Variants in ICE1 observed in about 807,000 individuals in gnomAD.
ICE1 encodes interactor of little elongation complex ELL subunit 1.
A neutral mutation model predicts 192.7 loss-of-function variants in ICE1; 64 were observed. The ratio of observed to expected loss-of-function variants is 0.33; its 90% CI spans 0.27 to 0.41. The LOEUF (loss-of-function observed/expected upper bound fraction) is 0.41. Among genes scored for constraint, ICE1 ranks in the 10% least tolerant of loss-of-function variants. The pLI is 1.00. For synonymous variants in ICE1, 1,010 were observed against 984.5 expected (o/e 1.03, Z -0.49); for missense variants, 2,708 against 2,696.0 (o/e 1.00, Z -0.10).
chr5:5,479,333 A>T (rs910838771), intron 17 of ICE1, among the ~76,000 whole-genome samples: 1 of 152,230 alleles, frequency 6.6e-6, no homozygotes, highest in Non-Finnish European at 1.5e-5. Flanking sequence ...GCCAACAAAC[A>T]TGAAAAAAAG....
intron 10 of ICE1, among the ~76,000 whole-genome samples, chr5:5,450,902 G>C (rs1738396726): frequency 6.6e-6 from 1 of 152,098 alleles, no homozygotes; most frequent in African/African-American, 2.4e-5. Flanking sequence ...ACTTCACAAT[G>C]TTTTTTAGAA....
chr5:5,450,341 T>G (rs1243672166), intron 10 of ICE1, among the ~76,000 whole-genome samples: 2 of 152,204 alleles, frequency 1.3e-5, no homozygotes, highest in South Asian at 4.1e-4. Context: ...TCAATTAAGT[T>G]GATCCTAGAG....
In ICE1 at chr5:5,460,666, T is replaced by A; in HGVS notation, c.1332T>A (p.Thr444=). 3 of 1,613,960 alleles carry A rather than the reference T, an allele frequency of 1.9e-6. No homozygotes were observed. Among genetic ancestry groups the A allele is most frequent in the Non-Finnish European group, 2.5e-6 (3 of 1,179,878 alleles). The part of the protein sequence containing the change: ...VNKVTTSGLE[T]FTATLRESSA... ...AAGTGACAACTTCTGGACTCGAGACTTTCACAGCAACACTGAGAGAATCTT... is the reference window on the plus strand; with the variant it reads ...AAGTGACAACTTCTGGACTCGAGACATTCACAGCAACACTGAGAGAATCTT... The change falls in exon 13 of 19, where the codon ACT becomes ACA. Residue 444 remains threonine (T), a synonymous_variant. Transcript: ENST00000296564.
At chr5:5,423,116 C>A in intron 1 of ICE1, 117 bp downstream of exon 1, 1 of 508,300 alleles carries the variant, frequency 2.0e-6, no homozygotes, top group Non-Finnish European at 3.1e-6. Flanking sequence ...TCTCCCTTCC[C>A]AACCGTAGCT....
intron 14 of ICE1, among the ~76,000 whole-genome samples, chr5:5,467,756 T>C (rs538589846): frequency 3.3e-5 from 5 of 152,320 alleles, no homozygotes; most frequent in South Asian, 4.1e-4. Flanking sequence ...TATTCTTAGA[T>C]GTGTCAGTGA....
At chr5:5,428,584 T>C (rs1737599058) in intron 1 of ICE1, among the ~76,000 whole-genome samples, 1 of 152,238 alleles carries the variant, frequency 6.6e-6, no homozygotes. Flanking sequence ...CATCATTGTC[T>C]GCACACATAC....
intron 11 of ICE1, among the ~76,000 whole-genome samples, 156 bp downstream of exon 11, chr5:5,454,794 C>T (rs1488756994): frequency 6.6e-6 from 1 of 152,008 alleles, no homozygotes; most frequent in African/African-American, 2.4e-5. Context: ...AACTCGTTTC[C>T]CTTCAGTGTG....
rs749146570 is a variant in ICE1, at chr5:5,463,851, A to G, written c.4517A>G (p.Asp1506Gly). Residue 1506 changes from aspartate (D) to glycine (G), a missense_variant, in exon 13 of 19, where the codon GAT (aspartate) becomes GGT (glycine). Transcript: ENST00000296564. Reference sequence around the variant, plus strand: ...AGCAGTGGTCAGAGCACCAACTTTGATAAGAGTCGTTTGCGAAATAGACCC... The same window carrying G: ...AGCAGTGGTCAGAGCACCAACTTTGGTAAGAGTCGTTTGCGAAATAGACCC... ...VSSSGQSTNF[D>G]KSRLRNRPVK... 1.2e-6 allele frequency: 2 copies of G among 1,613,930 alleles called. No individual in the cohort carries two copies. Among genetic ancestry groups the G allele is most frequent in the Non-Finnish European group, 1.7e-6 (2 of 1,179,868 alleles).
intron 10 of ICE1, among the ~76,000 whole-genome samples, chr5:5,453,075 C>T (rs940782270): frequency 6.6e-6 from 1 of 151,934 alleles, no homozygotes; most frequent in Non-Finnish European, 1.5e-5. Flanking sequence ...ATGATAGCCT[C>T]CATAAGAATG....
rs200013645 is a variant in ICE1 at position 5,454,555 on chromosome 5, A to G, written c.608A>G (p.Lys203Arg). 3.5e-5 allele frequency: 57 copies of G among 1,611,850 alleles called. No individual in the cohort carries two copies. In the East Asian group the frequency reaches 1.3e-3, roughly 36 times the overall value. Reference sequence around the variant, plus strand: ...AATGCTTTGCTCTGTTTCACAGGAAAAGTGAAACTGCTTCTGAAGGAACTC... The same window carrying G: ...AATGCTTTGCTCTGTTTCACAGGAAGAGTGAAACTGCTTCTGAAGGAACTC... ...SDSYGSIDKR[K>R]VKLLLKELWL... Residue 203 changes from lysine (K) to arginine (R), a missense_variant, in exon 11 of 19, where the codon AAA becomes AGA. This residue lies in a region of ICE1 where 2,366 missense variants were observed against 2,276.6 expected (regional missense o/e 1.04). Transcript: ENST00000296564.
chr5:5,460,553 T>A lies in ICE1; in HGVS notation c.1219T>A (p.Leu407Met). ...TGAATCACAGAATTATTTTGGCTCA[T>A]TGAGAAAAAATAAAGGAAGTGGCAC... is the stretch of plus-strand genomic sequence containing the variant. ...TTESQNYFGS[L>M]RKNKGSGTWE... Residue 407 changes from leucine to methionine, a missense_variant, in exon 13 of 19, where the codon TTG becomes ATG. Coordinates refer to ENST00000296564, the MANE Select transcript of ICE1 (RefSeq NM_015325.3). The A allele has an allele frequency of 6.2e-7, 1 of 1,612,276 alleles. No homozygotes were observed. The highest frequency in any genetic ancestry group is 2.2e-5 in the East Asian group (1 of 44,864).
rs370617529 is a variant in ICE1 at position 5,461,553 on chromosome 5, G to A, written c.2219G>A (p.Arg740Gln). The A allele has an allele frequency of 3.7e-6, 6 of 1,612,814 alleles. No individual in the cohort carries two copies. Among genetic ancestry groups the A allele is most frequent in the African/African-American group, 1.3e-5 (1 of 74,854 alleles). The stretch of plus-strand genomic sequence containing the variant: ...TTGACCAAAATACATTCACTTCCTC[G>A]GTCAGTATTTATGAAAGCTACAAAA... The part of the protein sequence containing the change: ...KGLTKIHSLP[R>Q]SVFMKATKDG... The change falls in exon 13 of 19, where the codon CGG (arginine) becomes CAG (glutamine). Residue 740 changes from arginine to glutamine, a missense_variant. This residue lies in a region of ICE1 where 2,366 missense variants were observed against 2,276.6 expected (regional missense o/e 1.04). Coordinates refer to ENST00000296564, the MANE Select transcript of ICE1 (RefSeq NM_015325.3).
In ICE1 at chr5:5,422,986, C is replaced by A; in HGVS notation, c.71C>A (p.Ala24Asp). The change falls in exon 1 of 19, where the codon GCC becomes GAC. Residue 24 changes from alanine (A) to aspartate (D), a missense_variant. Physicochemically the swap from Ala to Asp is moderately radical, Grantham distance 126 (BLOSUM62 -2). Coordinates refer to ENST00000296564, the MANE Select transcript of ICE1 (RefSeq NM_015325.3). Reference protein sequence around the residue: ...AADLSRCQGCASLQQNLNEYV... With the variant: ...AADLSRCQGCDSLQQNLNEYV... ...GACCTGTCGCGATGTCAGGGCTGCG[C>A]CTCTCTGCAGCAGGTGCAGCACCTC... 1 of 1,448,604 alleles carries A rather than the reference C, an allele frequency of 6.9e-7. No individual in the cohort carries two copies. Among genetic ancestry groups the A allele is most frequent in the Non-Finnish European group, 9.1e-7 (1 of 1,102,062 alleles). 89.7% of individuals were successfully genotyped at this position (1,448,604 alleles called of 1,614,324 possible). A position where few individuals can be genotyped will look rare whatever the true frequency, so the allele number is the denominator to read the frequency against.
At chr5:5,427,808 G>C (rs920526106) in intron 1 of ICE1, among the ~76,000 whole-genome samples, 1 of 152,176 alleles carries the variant, frequency 6.6e-6, no homozygotes, top group Non-Finnish European at 1.5e-5. Context: ...ATGATGAACA[G>C]AAGAGGCATG....
intron 18 of ICE1, among the ~76,000 whole-genome samples, chr5:5,488,848 C>T (rs2111410910): frequency 6.6e-6 from 1 of 152,250 alleles, no homozygotes; most frequent in South Asian, 2.1e-4. Flanking sequence ...TTTTGGGAAG[C>T]TCAGTCGTGG....
intron 17 of ICE1, among the ~76,000 whole-genome samples, chr5:5,477,646 C>T (rs570343953): frequency 7.4e-4 from 112 of 152,322 alleles, no homozygotes; most frequent in South Asian, 1.7e-3. Flanking sequence ...ATGAGGCCAG[C>T]ATCATCCTGA....
At chr5:5,482,911 TC>T (rs1035582521) in intron 17 of ICE1, among the ~76,000 whole-genome samples, 1 of 152,048 alleles carries the variant, frequency 6.6e-6, no homozygotes, top group African/African-American at 2.4e-5. Flanking sequence ...GAGTAAAAAA[TC>T]AAGTTGGTAG....
intron 15 of ICE1, 80 bp downstream of exon 15, chr5:5,469,068 TTTATA>T (rs1294354569): frequency 1.0e-6 from 1 of 980,860 alleles, no homozygotes; most frequent in African/African-American, 1.7e-5. Flanking sequence ...TGTATTTAGT[TTTATA>T]TTAGTTCATA....
intron 10 of ICE1, among the ~76,000 whole-genome samples, chr5:5,451,495 A>C (rs1203587617): frequency 6.6e-6 from 1 of 152,156 alleles, no homozygotes; most frequent in Non-Finnish European, 1.5e-5. Flanking sequence ...AAACAAACAA[A>C]CAGAAGGAAA....
Sources: gnomAD v4.1 joint callset for allele counts (sites outside exome capture counted in the v4.1 genomes callset) on GRCh38, gnomAD v4.1.1 for gene constraint, gnomAD v4.1.1 regional missense constraint, MANE v1.5 for transcripts, NCBI Gene and HGNC (gene_info 2026-07-23, HGNC 2026-07-21) for gene names.